The following KIAA1217 variants were observed in gnomAD, a reference collection of about 807,000 sequenced individuals.
KIAA1217 encodes the protein KIAA1217.
KIAA1217 carries 88 observed loss-of-function variants against 163.9 expected under a neutral mutation model. The observed-to-expected ratio is 0.54, with a 90% CI of 0.45 to 0.64. The LOEUF is 0.64. Among genes scored for constraint, KIAA1217 ranks in the 30% least tolerant of loss-of-function variants. The pLI, the probability that KIAA1217 is intolerant of heterozygous loss-of-function variation, is 0.00. For synonymous variants in KIAA1217, 903 were observed against 923.1 expected (o/e 0.98, Z 0.39); for missense variants, 2,372 against 2,475.0 (o/e 0.96, Z 0.88).
chr10:23,757,083 T>C (rs1833956073), intron 1 of KIAA1217, among the ~76,000 whole-genome samples: 3 of 152,302 alleles, frequency 2.0e-5, no homozygotes, highest in South Asian at 4.1e-4. Flanking sequence ...TAATGTTCCA[T>C]TGTATGTGTA....
chr10:23,772,647 G>T (rs1301996388), intron 1 of KIAA1217, among the ~76,000 whole-genome samples: 1 of 152,100 alleles, frequency 6.6e-6, no homozygotes, highest in Non-Finnish European at 1.5e-5. Flanking sequence ...ACGATGTCAT[G>T]CTGTTCATTT....
At chr10:23,728,511 T>TC (rs978661433) in intron 1 of KIAA1217, among the ~76,000 whole-genome samples, 6 of 151,644 alleles carry the variant, frequency 4.0e-5, no homozygotes, top group Middle Eastern at 3.4e-3. Context: ...TTGATGGTTT[T>TC]TTTTTTTGTT....
intron 2 of KIAA1217, among the ~76,000 whole-genome samples, chr10:24,135,037 TAGG>T (rs2063783188): frequency 1.3e-5 from 2 of 152,204 alleles, no homozygotes; most frequent in South Asian, 2.1e-4. Flanking sequence ...TTTCTATAGA[TAGG>T]AGAAGTTCCT....
chr10:23,992,156 T>A (rs1207185917), intron 1 of KIAA1217, among the ~76,000 whole-genome samples: 2 of 152,212 alleles, frequency 1.3e-5, no homozygotes, highest in Non-Finnish European at 2.9e-5. Context: ...TGCTTTGGAT[T>A]TTGCTACCCA....
At chr10:23,768,530 T>C (rs1003669879) in intron 1 of KIAA1217, among the ~76,000 whole-genome samples, 3 of 152,244 alleles carry the variant, frequency 2.0e-5, no homozygotes, top group Middle Eastern at 3.2e-3. Context: ...GCTACTCTTG[T>C]CTACTAAAAG....
chr10:24,497,708 A>T (rs1592415437), intron 8 of KIAA1217, among the ~76,000 whole-genome samples: 1 of 151,090 alleles, frequency 6.6e-6, no homozygotes, highest in Non-Finnish European at 1.5e-5. Context: ...TGACAGAGCA[A>T]GACCTTGTCT....
intron 2 of KIAA1217, among the ~76,000 whole-genome samples, chr10:24,247,233 G>T (rs1035228050): frequency 5.3e-5 from 8 of 150,644 alleles, no homozygotes; most frequent in African/African-American, 2.0e-4. Context: ...CTTGTGTCAT[G>T]GGGCTTTGTT....
chr10:24,178,442 T>A (rs2066010431), intron 2 of KIAA1217, among the ~76,000 whole-genome samples: 1 of 152,212 alleles, frequency 6.6e-6, no homozygotes. Flanking sequence ...TAAAGCCAGG[T>A]CTTCTGAGGT....
At chr10:24,325,518 G>A (rs945534709) in intron 2 of KIAA1217, among the ~76,000 whole-genome samples, 1 of 152,148 alleles carries the variant, frequency 6.6e-6, no homozygotes, top group African/African-American at 2.4e-5. Context: ...AGCAAGCAAG[G>A]TCTCAGATAG....
chr10:24,061,165 T>G (rs148920415), intron 2 of KIAA1217, among the ~76,000 whole-genome samples: 1 of 152,210 alleles, frequency 6.6e-6, no homozygotes, highest in South Asian at 2.1e-4. Context: ...ATTTTTCTTC[T>G]GTAGGTATTT....
At chr10:23,812,098 A>G (rs1180719478) in intron 1 of KIAA1217, among the ~76,000 whole-genome samples, 1 of 152,140 alleles carries the variant, frequency 6.6e-6, no homozygotes, top group South Asian at 2.1e-4. Flanking sequence ...ACGAAAACAA[A>G]CAAAAAACCC....
chr10:23,856,271 G>T (rs1319223393), intron 1 of KIAA1217, among the ~76,000 whole-genome samples: 1 of 152,194 alleles, frequency 6.6e-6, no homozygotes, highest in Non-Finnish European at 1.5e-5. Flanking sequence ...TTTGCTAGAG[G>T]TCCACTCCAG....
In KIAA1217 at chr10:23,751,717, T is replaced by C. The variant is rs966379330; in HGVS notation, c.-321+56483T>C. Among the ~76,000 whole-genome samples the C allele has an allele frequency of 1.4e-4, 22 of 152,162 alleles. 1 individual carries two copies. The highest frequency in any genetic ancestry group is 1.5e-5 in the Non-Finnish European group (1 of 68,028). On this transcript the variant is annotated intron_variant, in intron 1 of 18. Transcript: ENST00000376462. ...TTTAGCAAATCTGGTTGAAGAAAAATGTGAATAAAAAGTTTTTTCTTCCTG... is the reference window on the plus strand; with the variant it reads ...TTTAGCAAATCTGGTTGAAGAAAAACGTGAATAAAAAGTTTTTTCTTCCTG...
chr10:23,985,941 CTAT>C (rs1445316166), intron 1 of KIAA1217, among the ~76,000 whole-genome samples: 1 of 152,214 alleles, frequency 6.6e-6, no homozygotes, highest in Non-Finnish European at 1.5e-5. Context: ...TATGCTCTGA[CTAT>C]TCTACTGCCT....
chr10:24,303,149 G>A (rs1318073821), intron 2 of KIAA1217, among the ~76,000 whole-genome samples: 3 of 152,060 alleles, frequency 2.0e-5, no homozygotes, highest in African/African-American at 4.8e-5. Context: ...TAGTAGCTGG[G>A]ACTGCAGGTG....
intron 2 of KIAA1217, among the ~76,000 whole-genome samples, chr10:24,058,248 T>G (rs764821289): frequency 5.9e-5 from 9 of 152,242 alleles, no homozygotes; most frequent in South Asian, 2.1e-4. Flanking sequence ...GTACCATTTG[T>G]CTATATGTCT....
chr10:23,892,694 C>G (rs1841466372), intron 1 of KIAA1217, among the ~76,000 whole-genome samples: 1 of 151,818 alleles, frequency 6.6e-6, no homozygotes, highest in Admixed American at 6.6e-5. Context: ...ATAATGATAG[C>G]TTATTTTTTA....
intron 2 of KIAA1217, among the ~76,000 whole-genome samples, chr10:24,087,550 T>C (rs1052276262): frequency 2.0e-5 from 3 of 152,212 alleles, no homozygotes; most frequent in Admixed American, 2.0e-4. Context: ...TTGGCAAACA[T>C]AATAAATGCT....
chr10:24,240,489 A>G (rs1423672518), intron 2 of KIAA1217, among the ~76,000 whole-genome samples: 1 of 152,234 alleles, frequency 6.6e-6, no homozygotes, highest in Non-Finnish European at 1.5e-5. Flanking sequence ...ACTCACATTC[A>G]TATTAAATTG....
Sources: allele counts gnomAD v4.1 joint callset (sites outside exome capture counted in the v4.1 genomes callset), GRCh38; gene constraint gnomAD v4.1.1; transcripts MANE v1.5; gene names NCBI Gene and HGNC (gene_info 2026-07-23, HGNC 2026-07-21).